Variants in CPPED1 observed in about 807,000 individuals in gnomAD.
CPPED1 encodes calcineurin like phosphoesterase domain containing 1.
CPPED1 carries 28 observed loss-of-function variants against 28.0 expected under a neutral mutation model. The ratio of observed to expected loss-of-function variants is 1.00; its 90% CI spans 0.74 to 1.37. The LOEUF is 1.37. CPPED1 is among the 40% of genes most tolerant of loss of function. The pLI, the probability that CPPED1 is intolerant of heterozygous loss-of-function variation, is 0.00. For synonymous variants in CPPED1, 198 were observed against 180.2 expected, an observed-to-expected ratio of 1.10 and a Z score of -0.79; for missense variants, 504 against 416.5, an observed-to-expected ratio of 1.21 and a Z score of -1.83.
chr16:12,689,793 C>T (rs1487601831), intron 3 of CPPED1, among the ~76,000 whole-genome samples: 1 of 152,112 alleles, frequency 6.6e-6, no homozygotes, highest in Non-Finnish European at 1.5e-5. Flanking sequence ...GAAACAGACT[C>T]TTATGAAGAT....
chr16:12,709,920 G>T lies in CPPED1; in HGVS notation c.290-4871C>A, dbSNP rs1326996368. ...GGAAAGACGGGGGGAAGGAAGGGAA[G>T]GAAGGGAAGGAAGGGAAGGAAGGGA... On this transcript the variant is annotated intron_variant, in intron 2 of 3. Transcript: ENST00000381774. This position sits in a 1 kb window ranked among gnomAD's most constrained non-coding sequence, Gnocchi z 4.4. 6.8e-6 allele frequency among the ~76,000 whole-genome samples: 1 copy of T among 146,872 alleles called. No individual in the cohort carries two copies. The highest frequency in any genetic ancestry group is 1.5e-5 in the Non-Finnish European group (1 of 66,876).
intron 2 of CPPED1, among the ~76,000 whole-genome samples, chr16:12,755,294 T>TC (rs938257098): frequency 3.3e-5 from 5 of 151,138 alleles, no homozygotes; most frequent in Admixed American, 1.3e-4. Flanking sequence ...TTTTTTTTTT[T>TC]TTTTTGAGAC....
intron 2 of CPPED1, among the ~76,000 whole-genome samples, chr16:12,758,142 G>A (rs752032006): frequency 6.6e-6 from 1 of 152,102 alleles, no homozygotes; most frequent in Non-Finnish European, 1.5e-5. Context: ...CATGTCAAGT[G>A]AGGATAAAGG....
intron 2 of CPPED1, among the ~76,000 whole-genome samples, chr16:12,750,873 C>T (rs1048575811): frequency 7.2e-5 from 11 of 152,014 alleles, no homozygotes; most frequent in Non-Finnish European, 1.3e-4. Flanking sequence ...GAGGCTGAGG[C>T]AGGAGAAATC....
intron 2 of CPPED1, among the ~76,000 whole-genome samples, chr16:12,733,609 C>A (rs1383012439): frequency 6.6e-6 from 1 of 152,006 alleles, no homozygotes; most frequent in Non-Finnish European, 1.5e-5. Flanking sequence ...TGGAAAGACA[C>A]GGGGAAGAAA....
intron 2 of CPPED1, among the ~76,000 whole-genome samples, chr16:12,717,122 C>T (rs538331832): frequency 4.5e-4 from 69 of 152,130 alleles, no homozygotes; most frequent in African/African-American, 1.6e-3. Flanking sequence ...AAAAAAAAGA[C>T]CAGGGAGCCT....
rs67527035 is a variant in CPPED1 at position 12,777,903 on chromosome 16, CTTTTTTTTT to C, written c.289+3273_289+3281del. Among the ~76,000 whole-genome samples the C allele has an allele frequency of 1.6e-5, 2 of 126,610 alleles. 1 individual carries two copies. The highest frequency in any genetic ancestry group is 5.0e-4 in the South Asian group (2 of 4,028). 83.1% of individuals were successfully genotyped at this position (126,610 alleles called of 152,430 possible). A position where few individuals can be genotyped will look rare whatever the true frequency, so the allele number is the denominator to read the frequency against. ...AATGAAAGTTCTTTTTTTCTATTTT[CTTTTTTTTT>C]TTTTTTTCTTTTTTTGAGATGAAGT... On this transcript the variant is annotated intron_variant, in intron 2 of 3. Coordinates refer to ENST00000381774, the MANE Select transcript of CPPED1 (RefSeq NM_018340.3).
At chr16:12,701,667 C>T (rs2080021600) in intron 3 of CPPED1, among the ~76,000 whole-genome samples, 1 of 152,150 alleles carries the variant, frequency 6.6e-6, no homozygotes, top group South Asian at 2.1e-4. Flanking sequence ...GGAGGGAAGC[C>T]TCATGCTTTG....
chr16:12,737,883 G>T, intron 2 of CPPED1, among the ~76,000 whole-genome samples: 1 of 152,174 alleles, frequency 6.6e-6, no homozygotes, highest in East Asian at 1.9e-4. Context: ...TGTGTCAGGG[G>T]ACCCCTGCCT....
At chr16:12,777,026 A>G (rs2080502131) in intron 2 of CPPED1, among the ~76,000 whole-genome samples, 1 of 152,174 alleles carries the variant, frequency 6.6e-6, no homozygotes, top group Non-Finnish European at 1.5e-5. Flanking sequence ...TCAGTCTGAA[A>G]TTTGTCTTTA....
At chr16:12,731,991 G>T (rs559166882) in intron 2 of CPPED1, among the ~76,000 whole-genome samples, 1 of 151,762 alleles carries the variant, frequency 6.6e-6, no homozygotes, top group Admixed American at 6.6e-5. Context: ...GGCAAAACCC[G>T]GTCTCTACTA....
At chr16:12,671,695 T>C (rs1214307756) in intron 3 of CPPED1, among the ~76,000 whole-genome samples, 1 of 152,194 alleles carries the variant, frequency 6.6e-6, no homozygotes, top group African/African-American at 2.4e-5. Flanking sequence ...GAACGCCATA[T>C]ATGAAGGTGG....
chr16:12,692,432 C>T (rs1473418670), intron 3 of CPPED1, among the ~76,000 whole-genome samples: 1 of 152,174 alleles, frequency 6.6e-6, no homozygotes, highest in East Asian at 1.9e-4. Context: ...TTTTCAATAA[C>T]CATGATGATA....
intron 2 of CPPED1, among the ~76,000 whole-genome samples, chr16:12,740,034 GA>G (rs2080246268): frequency 7.7e-6 from 1 of 129,262 alleles, no homozygotes. Flanking sequence ...AGAAAGAAAA[GA>G]AAAGAAAAGA....
At chr16:12,671,342 G>C (rs1010001516) in intron 3 of CPPED1, among the ~76,000 whole-genome samples, 3 of 151,904 alleles carry the variant, frequency 2.0e-5, no homozygotes, top group African/African-American at 7.3e-5. Flanking sequence ...ATTTTTACTA[G>C]TTCCACACTG....
rs771455522 is a variant in CPPED1, at chr16:12,803,687, G to A, written c.70+20C>T. 12 of 1,521,402 alleles carry A rather than the reference G, an allele frequency of 7.9e-6. 1 individual carries two copies. In the South Asian group the frequency reaches 1.2e-4, roughly 15 times the overall value. 94.2% of individuals were successfully genotyped at this position (1,521,402 alleles called of 1,614,324 possible). A position where few individuals can be genotyped will look rare whatever the true frequency, so the allele number is the denominator to read the frequency against. On this transcript the variant is annotated intron_variant, in intron 1 of 3. Transcript: ENST00000381774. ...TCCGCAGCCCCAGAGTCCCCTCCCC[G>A]GGTGAGGGGCGGGCAGTACCTGCGG... is the stretch of plus-strand genomic sequence containing the variant.
intron 2 of CPPED1, among the ~76,000 whole-genome samples, chr16:12,763,155 C>G (rs2080419638): frequency 6.6e-6 from 1 of 151,524 alleles, no homozygotes; most frequent in Non-Finnish European, 1.5e-5. Flanking sequence ...TTGCTTAAAC[C>G]TGGGAGGCGG....
rs1713492 is a variant in CPPED1, at chr16:12,706,299, A to G, written c.290-1250T>C. ...ACTGTTAACTCTGGTTAAATCCAGG[A>G]AACAGAAGCAGAGAGGGAGGGAGTC... On this transcript the variant is annotated intron_variant, in intron 2 of 3. Coordinates refer to ENST00000381774, the MANE Select transcript of CPPED1 (RefSeq NM_018340.3). 5.7e-3 allele frequency among the ~76,000 whole-genome samples: 867 copies of G among 152,058 alleles called. 5 individuals are homozygous for G. Among genetic ancestry groups the G allele is most frequent in the Non-Finnish European group, 8.1e-3 (553 of 67,950 alleles).
chr16:12,754,292 A>C (rs1424915641), intron 2 of CPPED1, among the ~76,000 whole-genome samples: 1 of 152,144 alleles, frequency 6.6e-6, no homozygotes, highest in Non-Finnish European at 1.5e-5. Flanking sequence ...GCCAAACCAA[A>C]CACCAGATGA....
Sources: gnomAD v4.1 joint callset for allele counts (sites outside exome capture counted in the v4.1 genomes callset) on GRCh38, gnomAD v4.1.1 for gene constraint, Gnocchi (gnomAD v3.1) non-coding constraint, MANE v1.5 for transcripts, NCBI Gene and HGNC (gene_info 2026-07-23, HGNC 2026-07-21) for gene names.